Variants in PABPC4 observed in about 807,000 individuals in gnomAD.
PABPC4 encodes the protein polyadenylate-binding protein 4.
Under a neutral mutation model 74.5 loss-of-function variants are expected in PABPC4, and 15 were observed. The observed-to-expected ratio is 0.20, with a 90% CI of 0.13 to 0.31. The LOEUF (loss-of-function observed/expected upper bound fraction) is 0.31, where lower values mean the gene tolerates loss of function less well. Among genes scored for constraint, PABPC4 ranks in the 10% least tolerant of loss-of-function variants. The pLI, the probability that PABPC4 is intolerant of heterozygous loss-of-function variation, is 1.00. For synonymous variants in PABPC4, 345 were observed against 303.0 expected, an observed-to-expected ratio of 1.14 and a Z score of -1.44; for missense variants, 610 against 853.5, an observed-to-expected ratio of 0.71 and a Z score of 3.55.
rs780497224 is a variant in PABPC4 at position 39,567,841 on chromosome 1, C to T, written c.882G>A (p.Val294=). 4 of 1,559,824 alleles carry T rather than the reference C, an allele frequency of 2.6e-6. No individual in the cohort carries two copies. In the South Asian group the frequency reaches 4.5e-5, roughly 17 times the overall value. Residue 294 remains valine, a synonymous_variant, in exon 7 of 16, where the codon GTG becomes GTA. Coordinates refer to ENST00000372858, the MANE Select transcript of PABPC4 (RefSeq NM_001135653.2). ...KQERISRYQG[V]NLYIKNLDDT... is the part of the protein sequence containing the mutation. The stretch of plus-strand genomic sequence containing the variant: ...CATCCAAGTTCTTAATGTAGAGATT[C>T]ACCCCCTGAAGGAAAAAGATCACTG...
At chr1:39,571,076 G>T (rs1445540771) in intron 3 of PABPC4, 158 bp downstream of exon 3, 2 of 1,514,958 alleles carry the variant, frequency 1.3e-6, no homozygotes, top group Non-Finnish European at 1.8e-6. Flanking sequence ...GGGCTGCCAC[G>T]GCTCAGGCAG....
chr1:39,564,642 A>C lies in PABPC4; in HGVS notation c.1333+44T>G, dbSNP rs1570375168. On this transcript the variant is annotated intron_variant, in intron 9 of 15. Transcript: ENST00000372858. Reference sequence around the variant, plus strand: ...AGAAGGAAAGGCAGGGGAGACCAGGACAGGTATATCCTGGGCTGTCAATTA... The same window carrying C: ...AGAAGGAAAGGCAGGGGAGACCAGGCCAGGTATATCCTGGGCTGTCAATTA... 2.5e-6 allele frequency: 4 copies of C among 1,609,004 alleles called. No individual in the cohort carries two copies. In the East Asian group the frequency reaches 8.9e-5, roughly 36 times the overall value.
intron 6 of PABPC4, 40 bp downstream of exon 6, chr1:39,568,762 C>G: frequency 6.3e-7 from 1 of 1,593,034 alleles, no homozygotes; most frequent in Non-Finnish European, 8.6e-7. Context: ...AAATATTTCA[C>G]AGCAAATCCC....
chr1:39,564,220 A>G (rs1645802289), intron 10 of PABPC4: 1 of 653,934 alleles, frequency 1.5e-6, no homozygotes, highest in Non-Finnish European at 2.6e-6. Context: ...GTCACCGATG[A>G]GCAAAGAATG....
rs564601967 is a variant in PABPC4, at chr1:39,565,376, T to C, written c.975A>G (p.Val325=). The C allele has an allele frequency of 6.2e-7, 1 of 1,609,538 alleles. No homozygotes were observed. Among genetic ancestry groups the C allele is most frequent in the Admixed American group, 1.7e-5 (1 of 59,888 alleles). ...CTTTGCTTCTTCCATCCTCCAGCATTACCTACAAAATGAGACCAGCTACTT... is the reference window on the plus strand; with the variant it reads ...CTTTGCTTCTTCCATCCTCCAGCATCACCTACAAAATGAGACCAGCTACTT... The part of the protein sequence containing the change: ...SPFGSITSAK[V]MLEDGRSKGF... Residue 325 remains valine, a splice_region_variant and synonymous_variant, in exon 8 of 16, where the codon GTA becomes GTG. Coordinates refer to ENST00000372858, the MANE Select transcript of PABPC4 (RefSeq NM_001135653.2).
intron 11 of PABPC4, 32 bp downstream of exon 11, chr1:39,563,804 T>A (rs1229104207): frequency 6.2e-7 from 1 of 1,613,924 alleles, no homozygotes; most frequent in African/African-American, 1.3e-5. Context: ...TCAAATCCCA[T>A]CTTTCCCCCT....
At chr1:39,568,778 T>G (rs1490738759) in intron 6 of PABPC4, 24 bp downstream of exon 6, 4 of 1,606,364 alleles carry the variant, frequency 2.5e-6, no homozygotes. Flanking sequence ...ATCCCATTGC[T>G]AGGCTGGGCC....
In PABPC4 at chr1:39,562,369, G is replaced by C; in HGVS notation, c.1716C>G (p.Ala572=). 6.2e-7 allele frequency: 1 copy of C among 1,614,048 alleles called. No individual in the cohort carries two copies. The highest frequency in any genetic ancestry group is 1.3e-5 in the African/African-American group (1 of 75,068). ...VHVQGQEPLT[A]SMLAAAPPQE... is the part of the protein sequence containing the mutation. ...GGGGGGGTGCTGCAGCCAGCATGGA[G>C]GCAGTCAGTGGCTCCTGCCCCTGCA... The change falls in exon 13 of 16, where the codon GCC becomes GCG. Residue 572 remains alanine (A), a synonymous_variant. Transcript: ENST00000372858.
At chr1:39,571,512 TAGTA>T (rs1645939463) in intron 2 of PABPC4, 163 bp from the exon 3 acceptor site, 1 of 674,948 alleles carries the variant, frequency 1.5e-6, no homozygotes. Context: ...ACCAGGTGCC[TAGTA>T]AGTGTTCCAT....
At chr1:39,564,810 G>A (rs1302832891) in intron 8 of PABPC4, 37 bp from the exon 9 acceptor site, 2 of 1,477,850 alleles carry the variant, frequency 1.4e-6, no homozygotes, top group East Asian at 4.5e-5. Context: ...CCCCCTTAAG[G>A]ACTGAACCCA....
At chr1:39,564,910 T>C in intron 8 of PABPC4, 137 bp from the exon 9 acceptor site, 1 of 868,134 alleles carries the variant, frequency 1.2e-6, no homozygotes, top group East Asian at 2.6e-5. Context: ...AGGGGTCAGC[T>C]AATGGGGACT....
intron 7 of PABPC4, 27 bp from the exon 8 acceptor site, chr1:39,565,405 A>C (rs1170132536): frequency 6.3e-7 from 1 of 1,592,948 alleles, no homozygotes; most frequent in East Asian, 2.2e-5. Context: ...GCTACTTAAG[A>C]AATAAGGTGT....
intron 6 of PABPC4, 94 bp downstream of exon 6, chr1:39,568,708 C>G (rs1645890567): frequency 1.1e-5 from 13 of 1,192,358 alleles, no homozygotes; most frequent in African/African-American, 1.5e-5. Flanking sequence ...GAACACACTC[C>G]AAGTCCTCAA....
At chr1:39,561,287 T>C (rs1469231644) in intron 15 of PABPC4, 165 bp from the exon 16 acceptor site, 2 of 350,576 alleles carry the variant, frequency 5.7e-6, no homozygotes, top group Non-Finnish European at 5.6e-6. Flanking sequence ...CTGTACAACA[T>C]TTAGCAGCAT....
chr1:39,567,964 A>T, intron 6 of PABPC4, 118 bp from the exon 7 acceptor site: 1 of 634,762 alleles, frequency 1.6e-6, no homozygotes, highest in South Asian at 1.9e-5. Context: ...ACTTGTTAGA[A>T]ATGAAATTCT....
chr1:39,571,405 G>A, intron 2 of PABPC4, 56 bp from the exon 3 acceptor site: 1 of 1,603,840 alleles, frequency 6.2e-7, no homozygotes. Flanking sequence ...TGAGACATGA[G>A]AACCTCAGGG....
chr1:39,573,446 C>G (rs1045679323), intron 1 of PABPC4, among the ~76,000 whole-genome samples: 1 of 152,182 alleles, frequency 6.6e-6, no homozygotes, highest in African/African-American at 2.4e-5. Flanking sequence ...GGTGCTCAAC[C>G]AACTTCCCCA....
At chr1:39,572,368 C>T in intron 2 of PABPC4, 25 bp downstream of exon 2, 2 of 1,511,786 alleles carry the variant, frequency 1.3e-6, no homozygotes, top group Non-Finnish European at 1.8e-6. Flanking sequence ...AATTATTCTG[C>T]TAAAATCATT....
intron 1 of PABPC4, among the ~76,000 whole-genome samples, chr1:39,574,671 G>T (rs1273620088): frequency 6.6e-6 from 1 of 152,216 alleles, no homozygotes; most frequent in African/African-American, 2.4e-5. Context: ...GGTCTCAGCC[G>T]CAACCTGGGC....
Sources: allele counts gnomAD v4.1 joint callset (sites outside exome capture counted in the v4.1 genomes callset), GRCh38; gene constraint gnomAD v4.1.1; transcripts MANE v1.5; gene names NCBI Gene and HGNC (gene_info 2026-07-23, HGNC 2026-07-21).